Variants in DIAPH2 observed in about 807,000 individuals in gnomAD.
DIAPH2 encodes diaphanous related formin 2.
DIAPH2 carries 35 observed loss-of-function variants against 92.7 expected under a neutral mutation model. That is an observed-to-expected ratio of 0.38 (90% CI 0.29 to 0.50). DIAPH2 has a LOEUF of 0.50. DIAPH2 is among the 20% of genes least tolerant of loss of function. The probability of loss-of-function intolerance (pLI) is 0.94; values close to 1 mark genes in which losing one functional copy is unlikely to be tolerated. For missense variants in DIAPH2, 701 were observed against 819.5 expected (o/e 0.86, Z 1.77); for synonymous variants, 301 against 280.4 (o/e 1.07, Z -0.73).
chrX:96,967,734 T>A (rs191442984), intron 17 of DIAPH2, among the ~76,000 whole-genome samples: 18 of 111,100 alleles, frequency 1.6e-4, no homozygotes, highest in East Asian at 8.5e-4. Context: ...GATTTTTTTT[T>A]AATTACGGCT....
At chrX:97,202,514 A>T (rs886660788) in intron 22 of DIAPH2, among the ~76,000 whole-genome samples, 3 of 111,967 alleles carry the variant, frequency 2.7e-5, no homozygotes, top group African/African-American at 9.7e-5. Context: ...TAAAAAATAA[A>T]TAGCAGGGAT....
At chrX:97,261,218 C>T (rs1374807569) in intron 23 of DIAPH2, among the ~76,000 whole-genome samples, 2 of 112,500 alleles carry the variant, frequency 1.8e-5, no homozygotes, top group Non-Finnish European at 1.9e-5. Flanking sequence ...CGTGTGTGTG[C>T]ATGTGTGTGA....
intron 25 of DIAPH2, among the ~76,000 whole-genome samples, chrX:97,394,323 G>C (rs2069686087): frequency 8.9e-6 from 1 of 111,799 alleles, no homozygotes; most frequent in African/African-American, 3.2e-5. Flanking sequence ...AGTAAAACAA[G>C]TTTGTATGCT....
chrX:97,074,871 G>A (rs187927726), intron 18 of DIAPH2, among the ~76,000 whole-genome samples: 40 of 112,003 alleles, frequency 3.6e-4, no homozygotes, highest in African/African-American at 1.1e-3. Context: ...GTCATTTTGT[G>A]TTATCATCCT....
At chrX:96,852,313 A>G (rs1262216442) in intron 4 of DIAPH2, among the ~76,000 whole-genome samples, 1 of 111,982 alleles carries the variant, frequency 8.9e-6, no homozygotes, top group Non-Finnish European at 1.9e-5. Flanking sequence ...GGTCACATTT[A>G]TCAAATGTAC....
At chrX:97,297,000 C>G (rs1312170146) in intron 23 of DIAPH2, among the ~76,000 whole-genome samples, 1 of 106,766 alleles carries the variant, frequency 9.4e-6, no homozygotes, top group Non-Finnish European at 1.9e-5. Context: ...TGGTCTCGAA[C>G]TCCCGACCTC....
intron 21 of DIAPH2, among the ~76,000 whole-genome samples, chrX:97,116,075 G>A (rs932449964): frequency 9.0e-6 from 1 of 111,440 alleles, no homozygotes; most frequent in African/African-American, 3.3e-5. Flanking sequence ...GTTAGTTCTT[G>A]AAGTATATTA....
intron 1 of DIAPH2, among the ~76,000 whole-genome samples, chrX:96,708,272 T>A (rs1408650161): frequency 1.3e-5 from 1 of 78,365 alleles, no homozygotes; most frequent in African/African-American, 4.9e-5. Context: ...TGAGGTGGAG[T>A]CTGCTCTGTT....
rs754287985 is a variant in DIAPH2 at position 96,955,383 on chromosome X, A to G, written c.1615-2445A>G. ...GTGGGGATTATTACAATTCAAGGTG[A>G]GATTTAGATGGCGATGCAGAGCTAA... is the stretch of plus-strand genomic sequence containing the variant. On this transcript the variant is annotated intron_variant, in intron 15 of 26. Coordinates refer to ENST00000324765, the MANE Select transcript of DIAPH2 (RefSeq NM_006729.5). Among the ~76,000 whole-genome samples the G allele has an allele frequency of 1.0e-3, 114 of 111,928 alleles. 1 individual carries two copies. Among genetic ancestry groups the G allele is most frequent in the African/African-American group, 3.4e-3 (104 of 30,793 alleles).
intron 22 of DIAPH2, among the ~76,000 whole-genome samples, chrX:97,169,817 G>A (rs762203835): frequency 2.4e-3 from 273 of 111,632 alleles, no homozygotes; most frequent in Non-Finnish European, 4.3e-3. Context: ...GCAATGAGCC[G>A]TGATCGTGCC....
intron 20 of DIAPH2, among the ~76,000 whole-genome samples, chrX:97,104,371 ATT>A (rs376970129): frequency 0.046 from 4,763 of 103,474 alleles, 265 homozygotes; most frequent in African/African-American, 0.15. Context: ...GTATTTCCTG[ATT>A]TTTTTTTTTT....
Position 96,684,911 on chromosome X carries a change from C to A in DIAPH2, c.-148C>A. On this transcript the variant is annotated 5_prime_UTR_variant, in exon 1 of 27. Coordinates refer to ENST00000324765, the MANE Select transcript of DIAPH2 (RefSeq NM_006729.5). Reference sequence around the variant, plus strand: ...GCCTGGGAGCCTGGAGTCCCGGGGGCCTGAAATCGGCAGCTTCCCGGGCAG... The same window carrying A: ...GCCTGGGAGCCTGGAGTCCCGGGGGACTGAAATCGGCAGCTTCCCGGGCAG... 1 of 702,082 alleles carries A rather than the reference C, an allele frequency of 1.4e-6. No homozygotes were observed. Among genetic ancestry groups the A allele is most frequent in the Non-Finnish European group, 1.9e-6 (1 of 538,667 alleles). The allele number at this position is 702,082 out of a possible 1,213,427, so 57.9% of individuals were successfully genotyped here.
chrX:97,570,064 TAAGGCCTTCTA>T (rs2071353594), intron 26 of DIAPH2, among the ~76,000 whole-genome samples: 1 of 68,942 alleles, frequency 1.5e-5, no homozygotes, highest in South Asian at 9.6e-4. Context: ...TACAAGTTCA[TAAGGCCTTCTA>T]ATATATATAT....
intron 23 of DIAPH2, among the ~76,000 whole-genome samples, chrX:97,296,722 A>G (rs1046344134): frequency 2.7e-5 from 3 of 111,462 alleles, no homozygotes; most frequent in Admixed American, 9.6e-5. Flanking sequence ...TATTTTAACC[A>G]GGGACATGAA....
chrX:97,171,861 A>G (rs1207005836), intron 22 of DIAPH2, among the ~76,000 whole-genome samples: 2 of 109,220 alleles, frequency 1.8e-5, no homozygotes, highest in Admixed American at 9.8e-5. Context: ...AATGGCGTGA[A>G]CCCGGGAGGC....
intron 20 of DIAPH2, among the ~76,000 whole-genome samples, chrX:97,113,424 G>A (rs1488825865): frequency 9.0e-6 from 1 of 111,328 alleles, no homozygotes; most frequent in African/African-American, 3.3e-5. Context: ...ATAATACCCT[G>A]ACCAGATAAA....
chrX:97,476,944 CAAA>C (rs958991841), intron 26 of DIAPH2, among the ~76,000 whole-genome samples: 30 of 13,370 alleles, frequency 2.2e-3, no homozygotes, highest in African/African-American at 0.01. Flanking sequence ...AACTCTGTCT[CAAA>C]AAAAAAAAAA....
chrX:96,965,392 G>C (rs1184078582), intron 17 of DIAPH2, among the ~76,000 whole-genome samples, 185 bp downstream of exon 17: 1 of 111,376 alleles, frequency 9.0e-6, no homozygotes, highest in South Asian at 3.7e-4. Context: ...TTTTACCTTT[G>C]AATTTTATTA....
intron 17 of DIAPH2, among the ~76,000 whole-genome samples, chrX:96,997,643 A>G (rs760482872): frequency 9.0e-6 from 1 of 111,597 alleles, no homozygotes; most frequent in East Asian, 2.8e-4. Flanking sequence ...AGCTCTGAAT[A>G]CAACTGTTCT....
Sources: gnomAD v4.1 joint callset for allele counts (sites outside exome capture counted in the v4.1 genomes callset) on GRCh38, gnomAD v4.1.1 for gene constraint, MANE v1.5 for transcripts, NCBI Gene and HGNC (gene_info 2026-07-23, HGNC 2026-07-21) for gene names.